The following FMO4 variants were observed in gnomAD, a reference collection of about 807,000 sequenced individuals.
The protein encoded by FMO4 is flavin containing dimethylaniline monoxygenase 4.
A neutral mutation model predicts 43.3 loss-of-function variants in FMO4; 38 were observed. That is an observed-to-expected ratio of 0.88 (90% confidence interval 0.68 to 1.15). The LOEUF is 1.15. FMO4 is among the 50% of genes most tolerant of loss of function. FMO4 has a pLI of 0.00. For missense variants in FMO4, 631 were observed against 663.3 expected (o/e 0.95, Z 0.54); for synonymous variants, 224 against 232.2 (o/e 0.96, Z 0.32).
chr1:171,327,723 T>C (rs1189506623), intron 5 of FMO4, among the ~76,000 whole-genome samples: 1 of 152,104 alleles, frequency 6.6e-6, no homozygotes, highest in African/African-American at 2.4e-5. Flanking sequence ...GAGAACAGCC[T>C]GGGCAATATG....
intron 5 of FMO4, among the ~76,000 whole-genome samples, chr1:171,325,816 CCTTTTTTTTTTTTTTTTTTTTTTTTTT>C (rs1662635552): frequency 4.0e-5 from 3 of 75,594 alleles, no homozygotes; most frequent in Non-Finnish European, 5.4e-5. Flanking sequence ...CATAGACTAT[CCTTTTTTTTTTTTTTTTTTTTTTTTTT>C]TTTTTTTTTT....
At chr1:171,328,632 A>G (rs1571401224) in intron 5 of FMO4, among the ~76,000 whole-genome samples, 1 of 151,556 alleles carries the variant, frequency 6.6e-6, no homozygotes, top group East Asian at 2.0e-4. Context: ...CCTGGGTGAC[A>G]GAGCAAGACC....
In FMO4 at chr1:171,341,522, G is replaced by T; in HGVS notation, c.1360G>T (p.Asp454Tyr). Residue 454 changes from aspartate to tyrosine, a missense_variant, in exon 10 of 10, where the codon GAT becomes TAT. Transcript: ENST00000367749. ...KPSIPLLFLK[D>Y]PRLAWEVFFG... ...CAGCATCCCACTTCTGTTCCTCAAG[G>T]ATCCCAGACTAGCTTGGGAAGTTTT... 6.2e-7 allele frequency: 1 copy of T among 1,613,984 alleles called. No homozygotes were observed. Among genetic ancestry groups the T allele is most frequent in the Non-Finnish European group, 8.5e-7 (1 of 1,179,928 alleles).
rs767071769 is a variant in FMO4 at position 171,334,737 on chromosome 1, C to T, written c.1154C>T (p.Ala385Val). The change falls in exon 8 of 10, where the codon GCA becomes GTA. Residue 385 changes from alanine to valine, a missense_variant. Ala to Val is a moderately conservative substitution (Grantham distance 64). Transcript: ENST00000367749. ...ATCTTATCAGGCACAGAGCTCCAAG[C>T]ACGATGGGTCACAAGAGTATTCAAA... ...GSILSGTELQ[A>V]RWVTRVFKGL... 4 of 1,587,142 alleles carry T rather than the reference C, an allele frequency of 2.5e-6. No individual in the cohort carries two copies. In the Admixed American group the frequency reaches 7.4e-5, roughly 29 times the overall value.
At chr1:171,334,341 T>C in intron 7 of FMO4, 70 bp from the exon 8 acceptor site, 1 of 972,884 alleles carries the variant, frequency 1.0e-6, no homozygotes, top group Non-Finnish European at 1.5e-6. Flanking sequence ...CTGAATTGGC[T>C]AAGTAAATCA....
rs1202970785 is a variant in FMO4, at chr1:171,319,976, T to G, written c.132+19T>G. On this transcript the variant is annotated intron_variant, in intron 3 of 9. Coordinates refer to ENST00000367749, the MANE Select transcript of FMO4 (RefSeq NM_002022.3). Reference sequence around the variant, plus strand: ...GTTTACTGTACGTGGTTCATCTCTATCAGTCATGATCTGGCCATTTGCTTT... The same window carrying G: ...GTTTACTGTACGTGGTTCATCTCTAGCAGTCATGATCTGGCCATTTGCTTT... The G allele has an allele frequency of 6.2e-7, 1 of 1,613,072 alleles. No homozygotes were observed. The highest frequency in any genetic ancestry group is 8.5e-7 in the Non-Finnish European group (1 of 1,179,254).
chr1:171,322,398 G>C (rs1027564611), intron 3 of FMO4, among the ~76,000 whole-genome samples: 1 of 152,188 alleles, frequency 6.6e-6, no homozygotes, highest in Non-Finnish European at 1.5e-5. Context: ...TGCATTCATG[G>C]AATTGTTTAA....
intron 5 of FMO4, among the ~76,000 whole-genome samples, chr1:171,327,182 C>T (rs1662704738): frequency 6.6e-6 from 1 of 152,206 alleles, no homozygotes; most frequent in Admixed American, 6.5e-5. Context: ...GTTCCCACTT[C>T]TTGGAAACTT....
At chr1:171,332,075 A>G (rs1397193589) in intron 6 of FMO4, among the ~76,000 whole-genome samples, 1 of 152,202 alleles carries the variant, frequency 6.6e-6, no homozygotes, top group Non-Finnish European at 1.5e-5. Context: ...ACAAGACCAT[A>G]TAGGCAAATT....
In FMO4 at chr1:171,318,114, G is replaced by A. The variant is rs143561630; in HGVS notation, c.-8-1704G>A. ...GCAGATCACTTGAGGTCAGGAGTTT[G>A]AGACCAGCCTGGCCAACATGGTGAA... On this transcript the variant is annotated intron_variant, in intron 2 of 9. Coordinates refer to ENST00000367749, the MANE Select transcript of FMO4 (RefSeq NM_002022.3). Among the ~76,000 whole-genome samples, 1,141 of 151,956 alleles carry A rather than the reference G, an allele frequency of 7.5e-3. 20 individuals are homozygous for A. Among genetic ancestry groups the A allele is most frequent in the African/African-American group, 0.025 (1,028 of 41,406 alleles).
At chr1:171,338,029 G>A (rs922425042) in intron 9 of FMO4, among the ~76,000 whole-genome samples, 7 of 151,640 alleles carry the variant, frequency 4.6e-5, no homozygotes, top group Non-Finnish European at 7.4e-5. Flanking sequence ...GACCCCCTCC[G>A]CCCCCCATCT....
chr1:171,334,855 C>T (rs1663056590), intron 8 of FMO4, 92 bp downstream of exon 8: 1 of 678,914 alleles, frequency 1.5e-6, no homozygotes, highest in African/African-American at 1.8e-5. Flanking sequence ...ACTAAAGTAA[C>T]AAAATATTTT....
chr1:171,323,355 G>A (rs528538605), intron 4 of FMO4, among the ~76,000 whole-genome samples, 163 bp downstream of exon 4: 2 of 152,152 alleles, frequency 1.3e-5, no homozygotes, highest in South Asian at 2.1e-4. Context: ...AGTTTTACTC[G>A]AATAAATCGT....
At chr1:171,328,503 A>T (rs758018055) in intron 5 of FMO4, among the ~76,000 whole-genome samples, 2 of 152,068 alleles carry the variant, frequency 1.3e-5, no homozygotes, top group Non-Finnish European at 1.5e-5. Flanking sequence ...TACAAAAATT[A>T]TCCGGGCATG....
At chr1:171,333,711 CCTT>C (rs1183671680) in intron 7 of FMO4, among the ~76,000 whole-genome samples, 1 of 151,896 alleles carries the variant, frequency 6.6e-6, no homozygotes, top group Admixed American at 6.6e-5. Context: ...CTTGAGATGT[CCTT>C]CAACTTATGA....
At chr1:171,322,717 G>A (rs1398290429) in intron 3 of FMO4, among the ~76,000 whole-genome samples, 2 of 152,104 alleles carry the variant, frequency 1.3e-5, no homozygotes, top group Admixed American at 6.6e-5. Context: ...GCCAGGCATG[G>A]TGGCACACAC....
intron 3 of FMO4, among the ~76,000 whole-genome samples, chr1:171,321,965 G>A (rs1034961775): frequency 6.6e-6 from 1 of 152,178 alleles, no homozygotes; most frequent in Admixed American, 6.5e-5. Context: ...GCTTAAGGGA[G>A]AAACAGAGAT....
intron 5 of FMO4, among the ~76,000 whole-genome samples, chr1:171,330,583 G>A (rs1309750099): frequency 1.3e-5 from 2 of 152,180 alleles, no homozygotes; most frequent in Non-Finnish European, 2.9e-5. Context: ...GAGAGAGCAT[G>A]CCCAGGGGAA....
In FMO4 at chr1:171,331,697, G is replaced by A; in HGVS notation, c.542G>A (p.Gly181Asp). The change falls in exon 6 of 10, where the codon GGC (glycine) becomes GAC (aspartate). Residue 181 changes from glycine to aspartate, a missense_variant. Gly to Asp is a moderately conservative substitution (Grantham distance 94). Coordinates refer to ENST00000367749, the MANE Select transcript of FMO4 (RefSeq NM_002022.3). ...AGTCAAGAGTACAAGATCCCAGAAG[G>A]CTTTCAGGGCAAACGCGTCTTGGTG... The part of the protein sequence containing the change: ...LHSQEYKIPE[G>D]FQGKRVLVIG... The A allele has an allele frequency of 1.9e-6, 3 of 1,613,924 alleles. No homozygotes were observed. Among genetic ancestry groups the A allele is most frequent in the Non-Finnish European group, 2.5e-6 (3 of 1,179,836 alleles).
Sources: allele counts gnomAD v4.1 joint callset (sites outside exome capture counted in the v4.1 genomes callset), GRCh38; gene constraint gnomAD v4.1.1; transcripts MANE v1.5; gene names NCBI Gene and HGNC (gene_info 2026-07-23, HGNC 2026-07-21).